B4GALNT3: variants seen among roughly 807,000 people sequenced by gnomAD.
The protein encoded by B4GALNT3 is beta-1,4-N-acetylgalactosaminyltransferase 3.
Under a neutral mutation model 120.2 loss-of-function variants are expected in B4GALNT3, and 86 were observed. The ratio of observed to expected loss-of-function variants is 0.72; its 90% confidence interval spans 0.60 to 0.86. The LOEUF (loss-of-function observed/expected upper bound fraction) is 0.86. Ranked by LOEUF, B4GALNT3 falls within the 40% of genes least tolerant of loss-of-function variation. The pLI is 0.00. For missense variants in B4GALNT3, 1,167 were observed against 1,298.9 expected (o/e 0.90, Z 1.56); for synonymous variants, 518 against 510.4 (o/e 1.01, Z -0.20).
Position 561,498 on chromosome 12 carries a change from G to C in B4GALNT3, c.*47G>C. On this transcript the variant is annotated 3_prime_UTR_variant, in exon 20 of 20. Transcript: ENST00000266383. ...CAGCACTCCCCGCTCTGGACTAGCAGTGGCTCCCCAGGGCCCTGCTACTGT... is the reference window on the plus strand; with the variant it reads ...CAGCACTCCCCGCTCTGGACTAGCACTGGCTCCCCAGGGCCCTGCTACTGT... 4 of 1,457,050 alleles carry C rather than the reference G, an allele frequency of 2.7e-6. No homozygotes were observed. Among genetic ancestry groups the C allele is most frequent in the Non-Finnish European group, 3.8e-6 (4 of 1,053,792 alleles). The allele number at this position is 1,457,050 out of a possible 1,614,324, so 90.3% of individuals were successfully genotyped here.
intron 1 of B4GALNT3, among the ~76,000 whole-genome samples, chr12:519,912 G>T (rs1327834416): frequency 6.6e-6 from 1 of 152,100 alleles, no homozygotes; most frequent in Non-Finnish European, 1.5e-5. Context: ...TCATTGGCCG[G>T]GTTAGTCCCT....
chr12:547,892 G>A, intron 7 of B4GALNT3, 132 bp from the exon 8 acceptor site: 1 of 751,108 alleles, frequency 1.3e-6, no homozygotes, highest in Non-Finnish European at 2.3e-6. Flanking sequence ...AACCTAGGCA[G>A]TTAACTCCTG....
At position 541,451 on chromosome 12, in the gene B4GALNT3, G is replaced by A. The variant is rs561625651; in HGVS notation, c.352-2888G>A. The stretch of plus-strand genomic sequence containing the variant: ...CTTAGTCACTGCTGGACAATGGAGC[G>A]AGTGGGCAGAGGGCAGGGCTGGTGT... On this transcript the variant is annotated intron_variant, in intron 3 of 19. Transcript: ENST00000266383. Among the ~76,000 whole-genome samples the A allele has an allele frequency of 1.1e-4, 16 of 152,328 alleles. No individual in the cohort carries two copies. In the East Asian group the frequency reaches 1.2e-3, roughly 11 times the overall value.
intron 3 of B4GALNT3, chr12:540,625 G>A (rs537632656): frequency 2.0e-5 from 3 of 152,482 alleles, no homozygotes; most frequent in Admixed American, 2.0e-4. Context: ...GTGGAGCAAA[G>A]GTGTATGGCA....
intron 1 of B4GALNT3, among the ~76,000 whole-genome samples, chr12:507,432 G>A (rs1485282122): frequency 2.6e-5 from 4 of 152,216 alleles, no homozygotes; most frequent in Non-Finnish European, 5.9e-5. Context: ...CCTGGGTGCT[G>A]TCTGGTGGAT....
At chr12:514,198 G>GTTTTTTTTTTTTTTTTTT (rs56697824) in intron 1 of B4GALNT3, among the ~76,000 whole-genome samples, 1 of 117,856 alleles carries the variant, frequency 8.5e-6, no homozygotes. Flanking sequence ...GTCCGTTTTT[G>GTTTTTTTTTTTTTTTTTT]TTTTTTTTTT....
At chr12:531,320 C>T (rs79647569) in intron 1 of B4GALNT3, among the ~76,000 whole-genome samples, 1 of 31,494 alleles carries the variant, frequency 3.2e-5, no homozygotes, top group African/African-American at 6.8e-5. Context: ...CCACTGCTGG[C>T]CCACTGCTGG....
intron 1 of B4GALNT3, among the ~76,000 whole-genome samples, chr12:484,958 G>A (rs1360499694): frequency 6.6e-6 from 1 of 152,174 alleles, no homozygotes; most frequent in Non-Finnish European, 1.5e-5. Context: ...ATACAAGGAA[G>A]TGTGAACGCT....
At chr12:541,000 C>A (rs1005386898) in intron 3 of B4GALNT3, among the ~76,000 whole-genome samples, 2 of 152,358 alleles carry the variant, frequency 1.3e-5, no homozygotes, top group Admixed American at 6.5e-5. Flanking sequence ...GCCTCAGCCT[C>A]CCAAAGTGCT....
At chr12:529,630 C>T in intron 1 of B4GALNT3, among the ~76,000 whole-genome samples, 2 of 152,240 alleles carry the variant, frequency 1.3e-5, no homozygotes, top group East Asian at 3.8e-4. Flanking sequence ...TGCAATTTTA[C>T]TCAGTGAAAT....
intron 11 of B4GALNT3, 80 bp from the exon 12 acceptor site, chr12:551,977 AGCCAGG>A: frequency 9.4e-7 from 1 of 1,067,010 alleles, no homozygotes; most frequent in Non-Finnish European, 1.5e-6. Context: ...ATGTGATCCC[AGCCAGG>A]GGCAGGCTTA....
At chr12:492,037 A>C (rs1946344961) in intron 1 of B4GALNT3, among the ~76,000 whole-genome samples, 1 of 147,366 alleles carries the variant, frequency 6.8e-6, no homozygotes, top group African/African-American at 2.5e-5. Context: ...CAGTTTGGGC[A>C]CCAGAACGAG....
At chr12:540,051 C>T (rs758472969) in intron 3 of B4GALNT3, among the ~76,000 whole-genome samples, 3 of 152,244 alleles carry the variant, frequency 2.0e-5, no homozygotes, top group Non-Finnish European at 2.9e-5. Context: ...TGAGTTAGAA[C>T]TGAACCACTA....
rs886065516 is a variant in B4GALNT3, at chr12:550,835, C to T, written c.998-87C>T. The stretch of plus-strand genomic sequence containing the variant: ...AGAACACAGCTGCCGCTTGCGAATA[C>T]AGAAAGGGCCCTGCTCAGGGCAGAG... On this transcript the variant is annotated intron_variant, in intron 10 of 19. Transcript: ENST00000266383. This position sits in a 1 kb window ranked among gnomAD's most constrained non-coding sequence, Gnocchi z 4.1. The T allele has an allele frequency of 3.6e-6, 4 of 1,099,550 alleles. No individual in the cohort carries two copies. The highest frequency in any genetic ancestry group is 5.3e-6 in the Non-Finnish European group (4 of 750,154). The allele number at this position is 1,099,550 out of a possible 1,614,324, so 68.1% of individuals were successfully genotyped here.
chr12:509,590 T>C (rs1455462599), intron 1 of B4GALNT3, among the ~76,000 whole-genome samples: 1 of 152,144 alleles, frequency 6.6e-6, no homozygotes, highest in African/African-American at 2.4e-5. Context: ...AAGAGAGTCT[T>C]ATAAATACAC....
At chr12:555,365 T>C (rs1403094560) in intron 14 of B4GALNT3, 1 of 457,024 alleles carries the variant, frequency 2.2e-6, no homozygotes, top group South Asian at 1.5e-5. Flanking sequence ...TCGGGCTTTT[T>C]GCAGAATATT....
chr12:527,859 C>A (rs949583664), intron 1 of B4GALNT3, among the ~76,000 whole-genome samples: 1 of 151,926 alleles, frequency 6.6e-6, no homozygotes, highest in African/African-American at 2.4e-5. Flanking sequence ...CTCTTCCTTG[C>A]ATTTTGGGGG....
At chr12:464,282 T>C (rs1311040677) in intron 1 of B4GALNT3, among the ~76,000 whole-genome samples, 1 of 152,182 alleles carries the variant, frequency 6.6e-6, no homozygotes, top group African/African-American at 2.4e-5. Flanking sequence ...TTTTCACAAG[T>C]TATATACCCA....
At chr12:523,515 G>A (rs1466606349) in intron 1 of B4GALNT3, among the ~76,000 whole-genome samples, 1 of 152,038 alleles carries the variant, frequency 6.6e-6, no homozygotes. Flanking sequence ...CGTCCTCCCC[G>A]GAATACTCTA....
Sources: allele counts gnomAD v4.1 joint callset (sites outside exome capture counted in the v4.1 genomes callset), GRCh38; gene constraint gnomAD v4.1.1; non-coding constraint Gnocchi (gnomAD v3.1); transcripts MANE v1.5; gene names NCBI Gene and HGNC (gene_info 2026-07-23, HGNC 2026-07-21).